SPAG16: variants seen among roughly 807,000 people sequenced by gnomAD.
SPAG16 encodes sperm-associated antigen 16 protein.
A neutral mutation model predicts 80.4 loss-of-function variants in SPAG16; 86 were observed. That is an observed-to-expected ratio of 1.07 (90% CI 0.90 to 1.28). The LOEUF is 1.28. Ranked by LOEUF, SPAG16 falls within the 50% of genes most tolerant of loss-of-function variation. SPAG16 has a pLI of 0.00. For synonymous variants in SPAG16, 294 were observed against 265.9 expected, an observed-to-expected ratio of 1.11 and a Z score of -1.03; for missense variants, 870 against 765.3, an observed-to-expected ratio of 1.14 and a Z score of -1.61.
At chr2:213,995,321 C>T (rs527895890) in intron 12 of SPAG16, among the ~76,000 whole-genome samples, 37 of 152,220 alleles carry the variant, frequency 2.4e-4, no homozygotes, top group Middle Eastern at 3.4e-3. Flanking sequence ...GGGTGGGGCT[C>T]AGGAAAAGCA....
intron 9 of SPAG16, among the ~76,000 whole-genome samples, chr2:213,457,960 G>A (rs2072136116): frequency 1.4e-5 from 2 of 143,530 alleles, no homozygotes; most frequent in Non-Finnish European, 1.5e-5. Context: ...ATAATAACTT[G>A]TTAATATTTA....
intron 12 of SPAG16, among the ~76,000 whole-genome samples, chr2:213,983,066 G>A (rs1455833362): frequency 6.6e-6 from 1 of 151,824 alleles, no homozygotes; most frequent in Non-Finnish European, 1.5e-5. Context: ...GAGCAATGCT[G>A]TGGAATGTAG....
chr2:213,639,055 T>C (rs147200440), intron 10 of SPAG16, among the ~76,000 whole-genome samples: 3 of 152,148 alleles, frequency 2.0e-5, no homozygotes, highest in Non-Finnish European at 4.4e-5. Flanking sequence ...CTAAGAATAG[T>C]TGACTCCTTC....
At chr2:213,967,518 A>G (rs2044767166) in intron 12 of SPAG16, among the ~76,000 whole-genome samples, 1 of 152,224 alleles carries the variant, frequency 6.6e-6, no homozygotes, top group Non-Finnish European at 1.5e-5. Context: ...TGGAGAAAAA[A>G]GGAATAGACT....
chr2:214,051,168 C>G (rs570729735), intron 13 of SPAG16, among the ~76,000 whole-genome samples: 1 of 152,152 alleles, frequency 6.6e-6, no homozygotes, highest in South Asian at 2.1e-4. Context: ...CCAGAAGTTA[C>G]CCTTTCAAGG....
intron 10 of SPAG16, among the ~76,000 whole-genome samples, chr2:213,801,273 T>A (rs145941456): frequency 1.2e-4 from 19 of 152,322 alleles, no homozygotes; most frequent in Non-Finnish European, 2.5e-4. Flanking sequence ...ATAAATACTT[T>A]CTCTATTTCC....
intron 15 of SPAG16, among the ~76,000 whole-genome samples, chr2:214,344,517 A>G (rs1242249342): frequency 6.6e-6 from 1 of 152,172 alleles, no homozygotes. Flanking sequence ...TTCATTAGCC[A>G]GAAGCAAGGT....
intron 13 of SPAG16, among the ~76,000 whole-genome samples, chr2:214,014,922 AG>A (rs1201954893): frequency 6.6e-6 from 1 of 152,192 alleles, no homozygotes; most frequent in African/African-American, 2.4e-5. Flanking sequence ...TGGAAAGCAT[AG>A]CCTCCAGCCA....
chr2:213,750,574 A>G (rs1273241466), intron 10 of SPAG16, among the ~76,000 whole-genome samples: 4 of 152,170 alleles, frequency 2.6e-5, no homozygotes, highest in African/African-American at 9.7e-5. Flanking sequence ...TCGATTAAAA[A>G]TTCATGTTCC....
chr2:213,527,096 G>A (rs1019630240), intron 10 of SPAG16, among the ~76,000 whole-genome samples: 1 of 152,180 alleles, frequency 6.6e-6, no homozygotes, highest in Non-Finnish European at 1.5e-5. Flanking sequence ...CTCTGCCATG[G>A]ATCAATGTCT....
rs200887381 is a variant in SPAG16 at position 213,658,260 on chromosome 2, C to T, written c.1070+168170C>T. Among the ~76,000 whole-genome samples, 22 of 152,190 alleles carry T rather than the reference C, an allele frequency of 1.4e-4. No homozygotes were observed. The East Asian group carries it at 2.1e-3, about 15-fold the overall frequency. ...GTGTGCTCCACTTTTTGCTTAAAAA[C>T]GTACCCTGTGCCCAGAATACTCTCC... is the stretch of plus-strand genomic sequence containing the variant. On this transcript the variant is annotated intron_variant, in intron 10 of 15. Coordinates refer to ENST00000331683, the MANE Select transcript of SPAG16 (RefSeq NM_024532.5).
chr2:213,595,225 C>T (rs1433029865), intron 10 of SPAG16, among the ~76,000 whole-genome samples: 6 of 152,102 alleles, frequency 3.9e-5, no homozygotes, highest in Non-Finnish European at 7.4e-5. Context: ...CAAAAGAATT[C>T]ACATTCTAAC....
intron 10 of SPAG16, among the ~76,000 whole-genome samples, chr2:213,563,958 C>A (rs2059677613): frequency 6.6e-6 from 1 of 152,140 alleles, no homozygotes; most frequent in Non-Finnish European, 1.5e-5. Context: ...TTCTTCTGCT[C>A]CCCCTACCTG....
intron 12 of SPAG16, among the ~76,000 whole-genome samples, chr2:213,943,051 G>C (rs1224167766): frequency 6.6e-6 from 1 of 152,132 alleles, no homozygotes; most frequent in Non-Finnish European, 1.5e-5. Context: ...CCAGAAAGTG[G>C]GCTTTCACCA....
intron 15 of SPAG16, among the ~76,000 whole-genome samples, chr2:214,335,599 T>C (rs1204326879): frequency 6.6e-6 from 1 of 151,974 alleles, no homozygotes; most frequent in African/African-American, 2.4e-5. Flanking sequence ...TCCAGCTATA[T>C]ATTTCTAACA....
chr2:214,330,653 C>T (rs1576798797), intron 15 of SPAG16, among the ~76,000 whole-genome samples: 1 of 152,062 alleles, frequency 6.6e-6, no homozygotes, highest in Non-Finnish European at 1.5e-5. Context: ...AAACTTTGAC[C>T]CCTACATCAA....
chr2:213,932,418 G>A (rs2078807704), intron 12 of SPAG16, among the ~76,000 whole-genome samples: 1 of 151,804 alleles, frequency 6.6e-6, no homozygotes, highest in South Asian at 2.1e-4. Context: ...GTTTCACCAT[G>A]TTGGCCAGGC....
intron 10 of SPAG16, among the ~76,000 whole-genome samples, chr2:213,490,854 G>A (rs73988514): frequency 0.013 from 2,040 of 152,098 alleles, 43 homozygotes; most frequent in African/African-American, 0.045. Context: ...AAAATATATG[G>A]CATTTGTTTT....
chr2:214,292,175 G>C (rs946100052), intron 15 of SPAG16, among the ~76,000 whole-genome samples: 5 of 152,084 alleles, frequency 3.3e-5, no homozygotes, highest in African/African-American at 1.2e-4. Flanking sequence ...GTTTTATATA[G>C]TTTTCTCTTT....
Sources: allele counts gnomAD v4.1 joint callset (sites outside exome capture counted in the v4.1 genomes callset), GRCh38; gene constraint gnomAD v4.1.1; transcripts MANE v1.5; gene names NCBI Gene and HGNC (gene_info 2026-07-23, HGNC 2026-07-21).